The following SUSD1 variants were observed in gnomAD, a reference collection of about 807,000 sequenced individuals.
SUSD1 encodes sushi domain-containing protein 1.
A neutral mutation model predicts 86.9 loss-of-function variants in SUSD1; 65 were observed. The ratio of observed to expected loss-of-function variants is 0.75; its 90% CI spans 0.61 to 0.92. The LOEUF is 0.92. SUSD1 is among the 40% of genes least tolerant of loss of function. SUSD1 has a pLI of 0.00. For missense variants in SUSD1, 850 were observed against 929.7 expected (o/e 0.91, Z 1.11); for synonymous variants, 346 against 350.0 (o/e 0.99, Z 0.13).
chr9:112,062,481 G>A (rs1360774191), intron 13 of SUSD1, among the ~76,000 whole-genome samples: 2 of 152,048 alleles, frequency 1.3e-5, no homozygotes, highest in African/African-American at 4.8e-5. Flanking sequence ...GATCACCTGA[G>A]GTCAGGAGTT....
At chr9:112,075,424 G>A (rs1428240739) in intron 12 of SUSD1, among the ~76,000 whole-genome samples, 1 of 152,000 alleles carries the variant, frequency 6.6e-6, no homozygotes, top group Non-Finnish European at 1.5e-5. Flanking sequence ...AAAAAAATAA[G>A]TTTTTAGAAA....
intron 5 of SUSD1, among the ~76,000 whole-genome samples, chr9:112,124,754 C>T (rs895552459): frequency 6.6e-6 from 1 of 151,966 alleles, no homozygotes; most frequent in Non-Finnish European, 1.5e-5. Context: ...ATCATCAATC[C>T]CAGAGTAGAT....
At chr9:112,101,113 G>C (rs1830615888) in intron 9 of SUSD1, among the ~76,000 whole-genome samples, 1 of 151,994 alleles carries the variant, frequency 6.6e-6, no homozygotes, top group South Asian at 2.1e-4. Context: ...TGTAATCCCA[G>C]CACCTAGGGA....
At chr9:112,094,413 G>A (rs920676440) in intron 10 of SUSD1, among the ~76,000 whole-genome samples, 2 of 152,158 alleles carry the variant, frequency 1.3e-5, no homozygotes, top group Admixed American at 6.5e-5. Flanking sequence ...AAATGGCCCT[G>A]GATGATCTGT....
Position 112,083,383 on chromosome 9 carries a change from A to G in SUSD1, c.1475-3218T>C, listed in dbSNP as rs557059226. ...GCTGGGACTACAGGCATGCACCACC[A>G]CACCTGGCTAATTGTTGTATTTGTA... On this transcript the variant is annotated intron_variant, in intron 10 of 16. Coordinates refer to ENST00000374270, the MANE Select transcript of SUSD1 (RefSeq NM_022486.5). Among the ~76,000 whole-genome samples, 42 of 152,086 alleles carry G rather than the reference A, an allele frequency of 2.8e-4. 1 individual carries two copies. In the South Asian group the frequency reaches 7.9e-3, roughly 29 times the overall value.
intron 1 of SUSD1, among the ~76,000 whole-genome samples, chr9:112,157,826 T>C (rs948295355): frequency 1.2e-4 from 5 of 41,716 alleles, no homozygotes; most frequent in Non-Finnish European, 2.4e-4. Flanking sequence ...CTTTCTTTCT[T>C]TTTTTTTTTT....
At chr9:112,144,273 AATCCAATCACTATAAATAT>A (rs1305068084) in intron 3 of SUSD1, among the ~76,000 whole-genome samples, 2 of 152,130 alleles carry the variant, frequency 1.3e-5, no homozygotes, top group African/African-American at 2.4e-5. Flanking sequence ...ATCACTAAAA[AATCCAATCACTATAAATAT>A]ATCCAATCAC....
chr9:112,117,554 T>C (rs1204258543), intron 6 of SUSD1, among the ~76,000 whole-genome samples: 1 of 152,220 alleles, frequency 6.6e-6, no homozygotes, highest in East Asian at 1.9e-4. Context: ...ATATGTTATG[T>C]ATATATAGAT....
chr9:112,048,513 C>T (rs570741213), intron 15 of SUSD1, among the ~76,000 whole-genome samples: 20 of 152,284 alleles, frequency 1.3e-4, no homozygotes, highest in African/African-American at 4.8e-4. Flanking sequence ...CTTCATTTCC[C>T]ATAAAACTAA....
chr9:112,163,222 G>A (rs544288272), intron 1 of SUSD1, among the ~76,000 whole-genome samples: 3 of 152,090 alleles, frequency 2.0e-5, no homozygotes, highest in South Asian at 2.1e-4. Flanking sequence ...ATGGTGTGAC[G>A]ACAGCTCACT....
intron 12 of SUSD1, among the ~76,000 whole-genome samples, chr9:112,072,152 T>TTC (rs1369701908): frequency 6.3e-5 from 9 of 143,264 alleles, no homozygotes; most frequent in African/African-American, 2.3e-4. Flanking sequence ...TTTTTTTTTT[T>TTC]TTTTGTTTTT....
chr9:112,044,211 T>C (rs1305805343), intron 15 of SUSD1, among the ~76,000 whole-genome samples: 1 of 152,228 alleles, frequency 6.6e-6, no homozygotes, highest in Non-Finnish European at 1.5e-5. Context: ...AGTGCAGTAT[T>C]AGAATAGGAA....
At chr9:112,169,262 T>C (rs1159730051) in intron 1 of SUSD1, 2 of 152,176 alleles carry the variant, frequency 1.3e-5, no homozygotes, top group Non-Finnish European at 2.9e-5. Flanking sequence ...AGGACTGACA[T>C]TCTCCATCAA....
chr9:112,146,705 G>C (rs1367952602), intron 3 of SUSD1, among the ~76,000 whole-genome samples: 1 of 151,046 alleles, frequency 6.6e-6, no homozygotes, highest in African/African-American at 2.4e-5. Flanking sequence ...GCACAACCTT[G>C]GCTCACTGCA....
Position 112,041,430 on chromosome 9 carries a change from A to C in SUSD1, c.*62T>G. ...CACGGAGCCTCTGTGCGGGCACCTGAGAAGCTGCCAGAACACCTGCCCAGC... is the reference window on the plus strand; with the variant it reads ...CACGGAGCCTCTGTGCGGGCACCTGCGAAGCTGCCAGAACACCTGCCCAGC... On this transcript the variant is annotated 3_prime_UTR_variant, in exon 17 of 17. Transcript: ENST00000374270. 1 of 780,704 alleles carries C rather than the reference A, an allele frequency of 1.3e-6. No individual in the cohort carries two copies. Among genetic ancestry groups the C allele is most frequent in the Non-Finnish European group, 2.4e-6 (1 of 418,084 alleles). The allele number at this position is 780,704 out of a possible 1,614,324, so 48.4% of individuals were successfully genotyped here. A position where few individuals can be genotyped will look rare whatever the true frequency, so the allele number is the denominator to read the frequency against.
chr9:112,137,931 T>C (rs936974781), intron 5 of SUSD1: 4 of 151,716 alleles, frequency 2.6e-5, no homozygotes, highest in African/African-American at 7.3e-5. Flanking sequence ...GTATATAAAA[T>C]ATAAAAATTG....
At chr9:112,150,295 C>T (rs145185342) in intron 2 of SUSD1, among the ~76,000 whole-genome samples, 33 of 152,366 alleles carry the variant, frequency 2.2e-4, no homozygotes, top group African/African-American at 7.9e-4. Flanking sequence ...GAGGAAACTC[C>T]TGTGACCAAA....
At chr9:112,041,842 T>C (rs1827753291) in intron 16 of SUSD1, 25 bp downstream of exon 16, 2 of 1,606,226 alleles carry the variant, frequency 1.2e-6, no homozygotes, top group African/African-American at 1.3e-5. Context: ...TCCAGTCATT[T>C]CTCAAAAATG....
At chr9:112,174,572 T>C (rs1335109222) in intron 1 of SUSD1, among the ~76,000 whole-genome samples, 2 of 152,092 alleles carry the variant, frequency 1.3e-5, no homozygotes, top group Admixed American at 6.5e-5. Flanking sequence ...ACAGGGAAGC[T>C]GTTCAAGGGC....
Sources: gnomAD v4.1 joint callset for allele counts (sites outside exome capture counted in the v4.1 genomes callset) on GRCh38, gnomAD v4.1.1 for gene constraint, MANE v1.5 for transcripts, NCBI Gene and HGNC (gene_info 2026-07-23, HGNC 2026-07-21) for gene names.